AGBL1: variants seen among roughly 807,000 people sequenced by gnomAD.
AGBL1 encodes cytosolic carboxypeptidase 4.
Under a neutral mutation model 118.9 loss-of-function variants are expected in AGBL1, and 130 were observed. That is an observed-to-expected ratio of 1.09 (90% CI 0.95 to 1.26). The LOEUF (loss-of-function observed/expected upper bound fraction) is 1.26. AGBL1 is among the 50% of genes most tolerant of loss of function. The pLI, the probability that AGBL1 is intolerant of heterozygous loss-of-function variation, is 0.00. For synonymous variants in AGBL1, 555 were observed against 478.9 expected, an observed-to-expected ratio of 1.16 and a Z score of -2.08; for missense variants, 1,584 against 1,298.1, an observed-to-expected ratio of 1.22 and a Z score of -3.38.
Position 86,546,056 on chromosome 15 carries a change from T to A in AGBL1, c.2740T>A (p.Cys914Ser). The A allele has an allele frequency of 6.2e-7, 1 of 1,613,366 alleles. No homozygotes were observed. Among genetic ancestry groups the A allele is most frequent in the African/African-American group, 1.3e-5 (1 of 75,032 alleles). ...AAAGAAGAATGTGTTCCTTTATGGCTGTAGCATCAAGGAAACCTTGTGGCA... is the reference window on the plus strand; with the variant it reads ...AAAGAAGAATGTGTTCCTTTATGGCAGTAGCATCAAGGAAACCTTGTGGCA... ...SQKKNVFLYG[C>S]SIKETLWQAA... is the part of the protein sequence containing the mutation. Residue 914 changes from cysteine (C) to serine (S), a missense_variant, in exon 20 of 23, where the codon TGT becomes AGT. By Grantham distance (112) the Cys-to-Ser change is moderately radical (BLOSUM62 -1). Transcript: ENST00000614907.
intron 18 of AGBL1, among the ~76,000 whole-genome samples, chr15:86,486,381 T>C (rs2082713164): frequency 6.6e-6 from 1 of 152,154 alleles, no homozygotes; most frequent in South Asian, 2.1e-4. Context: ...CTCATCCCAC[T>C]GTGCCAATCC....
At chr15:86,771,241 C>G (rs948332437) in intron 22 of AGBL1, among the ~76,000 whole-genome samples, 1 of 152,032 alleles carries the variant, frequency 6.6e-6, no homozygotes, top group African/African-American at 2.4e-5. Flanking sequence ...TATAATTAAT[C>G]TAAGTATAAA....
intron 3 of AGBL1, among the ~76,000 whole-genome samples, chr15:86,150,364 A>C (rs1345305153): frequency 6.6e-6 from 1 of 152,220 alleles, no homozygotes; most frequent in African/African-American, 2.4e-5. Context: ...ACATCAACAA[A>C]ATTGATAGAC....
chr15:86,967,292 C>T (rs189387387), intron 23 of AGBL1, among the ~76,000 whole-genome samples: 114 of 152,050 alleles, frequency 7.5e-4, no homozygotes, highest in Middle Eastern at 6.8e-3. Flanking sequence ...TTCACTCTGA[C>T]GGTAATTTCT....
chr15:86,615,107 A>T lies in AGBL1; in HGVS notation c.2995-59166A>T, dbSNP rs2084703559. Among the ~76,000 whole-genome samples, 1 of 152,234 alleles carries T rather than the reference A, an allele frequency of 6.6e-6. No homozygotes were observed. The highest frequency in any genetic ancestry group is 2.1e-4 in the South Asian group (1 of 4,832). ...TAGAATGTCAAATGTCTTGAGTGAC[A>T]CATTAAGCAGCATGTTGAGGGTGAT... On this transcript the variant is annotated intron_variant, in intron 21 of 22. Coordinates refer to ENST00000614907, the MANE Select transcript of AGBL1 (RefSeq NM_001386094.1). The surrounding 1 kb of genome is among the most constrained non-coding windows in gnomAD (Gnocchi z 4.3).
At chr15:86,247,012 A>C (rs79353978) in intron 6 of AGBL1, among the ~76,000 whole-genome samples, 4,609 of 152,252 alleles carry the variant, frequency 0.03, 107 homozygotes, top group East Asian at 0.07. Flanking sequence ...TTCTGAGAAT[A>C]AGGTACAGAC....
At chr15:86,156,118 A>G (rs946192581) in intron 4 of AGBL1, among the ~76,000 whole-genome samples, 2 of 152,014 alleles carry the variant, frequency 1.3e-5, no homozygotes, top group Admixed American at 6.6e-5. Context: ...ACAGGGTTTC[A>G]CCATGTTGGT....
chr15:87,028,781 C>G, intron 24 of AGBL1: 4 of 1,579,620 alleles, frequency 2.5e-6, no homozygotes, highest in Non-Finnish European at 3.5e-6. Context: ...AGAAGTTACA[C>G]GGCTTCAAGC....
chr15:86,348,706 A>G (rs2080578158), intron 17 of AGBL1, among the ~76,000 whole-genome samples: 1 of 149,404 alleles, frequency 6.7e-6, no homozygotes, highest in African/African-American at 2.5e-5. Flanking sequence ...TGAACCTGGG[A>G]GGCAGAGATT....
At chr15:86,197,246 T>A (rs187691604) in intron 5 of AGBL1, among the ~76,000 whole-genome samples, 1 of 152,164 alleles carries the variant, frequency 6.6e-6, no homozygotes, top group African/African-American at 2.4e-5. Context: ...GACTGTTGGT[T>A]GAAATATGGA....
At chr15:86,505,585 T>C (rs2082966625) in intron 18 of AGBL1, among the ~76,000 whole-genome samples, 1 of 152,032 alleles carries the variant, frequency 6.6e-6, no homozygotes, top group African/African-American at 2.4e-5. Context: ...ATTGTACTTT[T>C]GAATTCCAGA....
At chr15:86,817,546 GAC>G (rs1161288965) in intron 22 of AGBL1, among the ~76,000 whole-genome samples, 2 of 107,012 alleles carry the variant, frequency 1.9e-5, no homozygotes, top group Non-Finnish European at 3.6e-5. Context: ...CACACACACA[GAC>G]ACACAGAGGA....
intron 22 of AGBL1, among the ~76,000 whole-genome samples, chr15:86,893,212 G>A (rs1160971754): frequency 6.6e-6 from 1 of 152,154 alleles, no homozygotes; most frequent in Non-Finnish European, 1.5e-5. Context: ...AGCTGGGAGA[G>A]TATGCTGGAT....
intron 17 of AGBL1, among the ~76,000 whole-genome samples, chr15:86,383,978 A>T (rs2081147609): frequency 6.6e-6 from 1 of 152,206 alleles, no homozygotes; most frequent in Non-Finnish European, 1.5e-5. Context: ...GTGCTTTATA[A>T]TATGTCTAAA....
chr15:86,455,870 T>C (rs1036476118), intron 18 of AGBL1, among the ~76,000 whole-genome samples: 2 of 152,284 alleles, frequency 1.3e-5, no homozygotes, highest in East Asian at 3.9e-4. Context: ...AAATAGTTTT[T>C]ATTCAAATCT....
chr15:86,193,106 C>A (rs1249833565), intron 5 of AGBL1, among the ~76,000 whole-genome samples: 2 of 151,756 alleles, frequency 1.3e-5, no homozygotes, highest in East Asian at 1.9e-4. Context: ...GTGATCATAC[C>A]AGATACTGTG....
At chr15:86,496,804 C>CT in intron 18 of AGBL1, among the ~76,000 whole-genome samples, 1 of 152,082 alleles carries the variant, frequency 6.6e-6, no homozygotes, top group Middle Eastern at 3.4e-3. Context: ...ATTCATGTAA[C>CT]TGTCATACAA....
At chr15:86,806,123 A>G (rs762808068) in intron 22 of AGBL1, among the ~76,000 whole-genome samples, 44 of 152,164 alleles carry the variant, frequency 2.9e-4, no homozygotes, top group Admixed American at 5.9e-4. Context: ...CCTCCAGAAC[A>G]CAAAGACATA....
intron 17 of AGBL1, chr15:86,312,070 T>C (rs2079929775): frequency 6.6e-6 from 1 of 152,196 alleles, no homozygotes; most frequent in Non-Finnish European, 1.5e-5. Flanking sequence ...ATTTCTCTGT[T>C]AGAGTAAGTG....
Sources: allele counts gnomAD v4.1 joint callset (sites outside exome capture counted in the v4.1 genomes callset), GRCh38; gene constraint gnomAD v4.1.1; non-coding constraint Gnocchi (gnomAD v3.1); transcripts MANE v1.5; gene names NCBI Gene and HGNC (gene_info 2026-07-23, HGNC 2026-07-21).